Variants in FRY observed in about 807,000 individuals in gnomAD.
The protein encoded by FRY is protein furry homolog.
Under a neutral mutation model 348.4 loss-of-function variants are expected in FRY, and 128 were observed. The ratio of observed to expected loss-of-function variants is 0.37; its 90% confidence interval spans 0.32 to 0.43. The LOEUF (loss-of-function observed/expected upper bound fraction) is 0.43. FRY is among the 20% of genes least tolerant of loss of function. The pLI is 1.00. For synonymous variants in FRY, 1,370 were observed against 1,374.7 expected, an observed-to-expected ratio of 1.00 and a Z score of 0.08; for missense variants, 2,736 against 3,695.2, an observed-to-expected ratio of 0.74 and a Z score of 6.73.
chr13:32,137,597 G>A (rs554874470), intron 11 of FRY, among the ~76,000 whole-genome samples: 16 of 152,298 alleles, frequency 1.1e-4, no homozygotes, highest in African/African-American at 3.9e-4. Context: ...CTTTAAAATG[G>A]ACTTTATAAC....
At position 32,049,777 on chromosome 13, in the gene FRY, T is replaced by C. The variant is rs1873225745; in HGVS notation, c.70+17912T>C. On this transcript the variant is annotated intron_variant, in intron 1 of 60. Coordinates refer to ENST00000542859, the MANE Select transcript of FRY (RefSeq NM_023037.3). ...GAAGGGAACAGATTCAAGCCAGTTG[T>C]CTGGGGTAGAATTGTCAGAGTTTGG... Among the ~76,000 whole-genome samples, 2 of 152,218 alleles carry C rather than the reference T, an allele frequency of 1.3e-5. 1 individual carries two copies. Among genetic ancestry groups the C allele is most frequent in the Admixed American group, 1.3e-4 (2 of 15,276 alleles).
rs931215649 is a variant in FRY, at chr13:32,115,567, A to C, written c.325-1767A>C. ...ATGTTCCTTCACTCTGGCAAAATAA[A>C]GTCTTCATACCAGTCAGATATTTCT... On this transcript the variant is annotated intron_variant, in intron 3 of 60. Coordinates refer to ENST00000542859, the MANE Select transcript of FRY (RefSeq NM_023037.3). 3.3e-5 allele frequency among the ~76,000 whole-genome samples: 5 copies of C among 152,226 alleles called. No homozygotes were observed. The East Asian group carries it at 9.6e-4, about 29-fold the overall frequency.
rs1232350998 is a variant in FRY, at chr13:32,274,926, G to T, written c.8221G>T (p.Val2741Phe). Residue 2741 changes from valine to phenylalanine, a missense_variant, in exon 56 of 61, where the codon GTC becomes TTC. Physicochemically the swap from Val to Phe is conservative, Grantham distance 50. Coordinates refer to ENST00000542859, the MANE Select transcript of FRY (RefSeq NM_023037.3). Reference protein sequence around the residue: ...DNLRGIGSKFVSSSQMLTSCS... With the variant: ...DNLRGIGSKFFSSSQMLTSCS... Reference sequence around the variant, plus strand: ...CCTCCGGGGAATCGGATCCAAATTTGTCAGCTCTTCCCAGATGCTCACCTC... The same window carrying T: ...CCTCCGGGGAATCGGATCCAAATTTTTCAGCTCTTCCCAGATGCTCACCTC... The T allele has an allele frequency of 6.2e-7, 1 of 1,613,432 alleles. No individual in the cohort carries two copies. Among genetic ancestry groups the T allele is most frequent in the African/African-American group, 1.3e-5 (1 of 74,850 alleles).
At chr13:32,032,857 A>G (rs1029281035) in intron 1 of FRY, among the ~76,000 whole-genome samples, 1 of 152,244 alleles carries the variant, frequency 6.6e-6, no homozygotes, top group African/African-American at 2.4e-5. Context: ...TATTATGTGC[A>G]TACTGATTAA....
chr13:32,225,724 A>T, intron 38 of FRY, 65 bp from the exon 39 acceptor site: 1 of 1,181,986 alleles, frequency 8.5e-7, no homozygotes, highest in Non-Finnish European at 1.3e-6. Flanking sequence ...TGGAATCTTT[A>T]CTATCCCTGG....
chr13:32,155,439 C>T, intron 14 of FRY, 52 bp from the exon 15 acceptor site: 1 of 1,278,884 alleles, frequency 7.8e-7, no homozygotes, highest in Non-Finnish European at 1.1e-6. Context: ...GGATGTATTC[C>T]ACTACAATAA....
intron 41 of FRY, among the ~76,000 whole-genome samples, chr13:32,232,581 C>A (rs1035041153): frequency 6.6e-6 from 1 of 152,176 alleles, no homozygotes; most frequent in African/African-American, 2.4e-5. Context: ...TGAGGCTGTG[C>A]CACCCCCTAG....
chr13:32,071,184 CG>C (rs1874632902), intron 1 of FRY, among the ~76,000 whole-genome samples: 2 of 152,030 alleles, frequency 1.3e-5, no homozygotes, highest in South Asian at 4.1e-4. Flanking sequence ...AGGATTGTCT[CG>C]GCTATGCAGA....
At position 32,260,470 on chromosome 13, in the gene FRY, A is replaced by G. The variant is rs537284926; in HGVS notation, c.7417-1146A>G. Among the ~76,000 whole-genome samples the G allele has an allele frequency of 2.3e-3, 355 of 152,362 alleles. 1 individual carries two copies. Among genetic ancestry groups the G allele is most frequent in the South Asian group, 0.014 (70 of 4,828 alleles). On this transcript the variant is annotated intron_variant, in intron 51 of 60. Coordinates refer to ENST00000542859, the MANE Select transcript of FRY (RefSeq NM_023037.3). ...AAAGTTATGTTAGTCAAATACACTT[A>G]TTTATTAACTGATGGTTTGTAGAGA... is the stretch of plus-strand genomic sequence containing the variant.
chr13:32,232,173 A>C (rs1405129672), intron 41 of FRY, among the ~76,000 whole-genome samples: 1 of 152,244 alleles, frequency 6.6e-6, no homozygotes, highest in Non-Finnish European at 1.5e-5. Flanking sequence ...AATTGAACAC[A>C]GACTGAAGGA....
At chr13:32,269,768 C>G (rs1888115310) in intron 55 of FRY, among the ~76,000 whole-genome samples, 1 of 151,942 alleles carries the variant, frequency 6.6e-6, no homozygotes, top group Non-Finnish European at 1.5e-5. Context: ...CTGAAATAAT[C>G]TAAGTTAAAT....
At chr13:32,097,657 G>A (rs1017348719) in intron 2 of FRY, among the ~76,000 whole-genome samples, 7 of 151,906 alleles carry the variant, frequency 4.6e-5, no homozygotes, top group Admixed American at 4.6e-4. Context: ...CACCGTGCCC[G>A]GCCCAGAACC....
chr13:32,202,193 C>A (rs1190650010), intron 30 of FRY, among the ~76,000 whole-genome samples, 153 bp downstream of exon 30: 2 of 147,580 alleles, frequency 1.4e-5, no homozygotes, highest in Non-Finnish European at 3.0e-5. Flanking sequence ...ACTATATAAT[C>A]TTTTGTAAAC....
At chr13:32,287,806 A>G (rs1164328422) in intron 58 of FRY, 10 of 1,000,072 alleles carry the variant, frequency 1.0e-5, no homozygotes, top group African/African-American at 1.7e-5. Context: ...TGTTGCATGC[A>G]GACACTGACC....
intron 51 of FRY, among the ~76,000 whole-genome samples, chr13:32,255,981 T>C (rs1887311757): frequency 1.3e-5 from 2 of 152,162 alleles, no homozygotes. Flanking sequence ...AAAAATGTTA[T>C]GTGAAACGAC....
chr13:32,285,987 A>G (rs1889024189), intron 58 of FRY, among the ~76,000 whole-genome samples: 1 of 152,218 alleles, frequency 6.6e-6, no homozygotes, highest in South Asian at 2.1e-4. Context: ...AAACTTTGAA[A>G]GAAATTTATG....
At chr13:32,265,706 T>C in intron 54 of FRY, 90 bp downstream of exon 54, 1 of 1,258,600 alleles carries the variant, frequency 7.9e-7, no homozygotes, top group Non-Finnish European at 1.1e-6. Flanking sequence ...ACAGTTGCAC[T>C]GCTGGGACAT....
At chr13:32,183,249 G>A (rs1489060184) in intron 24 of FRY, among the ~76,000 whole-genome samples, 1 of 152,088 alleles carries the variant, frequency 6.6e-6, no homozygotes, top group Non-Finnish European at 1.5e-5. Context: ...ACATACAAAT[G>A]CAAAACAACT....
At chr13:32,053,028 G>A (rs547387215) in intron 1 of FRY, among the ~76,000 whole-genome samples, 26 of 151,982 alleles carry the variant, frequency 1.7e-4, no homozygotes, top group Non-Finnish European at 2.5e-4. Context: ...CAGGAGAATC[G>A]CTTGAACCCG....
Sources: allele counts gnomAD v4.1 joint callset (sites outside exome capture counted in the v4.1 genomes callset), GRCh38; gene constraint gnomAD v4.1.1; transcripts MANE v1.5; gene names NCBI Gene and HGNC (gene_info 2026-07-23, HGNC 2026-07-21).